Variants in FHIT observed in about 807,000 individuals in gnomAD.
FHIT encodes the protein bis(5'-adenosyl)-triphosphatase.
Under a neutral mutation model 17.9 loss-of-function variants are expected in FHIT, and 19 were observed. The ratio of observed to expected loss-of-function variants is 1.06; its 90% CI spans 0.74 to 1.56. The LOEUF (loss-of-function observed/expected upper bound fraction) is 1.56. FHIT is among the 40% of genes most tolerant of loss of function. FHIT has a pLI of 0.00. For missense variants in FHIT, 248 were observed against 189.2 expected (o/e 1.31, Z -1.82); for synonymous variants, 81 against 69.7 (o/e 1.16, Z -0.81).
chr3:60,338,124 T>C (rs1400236932), intron 5 of FHIT, among the ~76,000 whole-genome samples: 2 of 152,166 alleles, frequency 1.3e-5, no homozygotes, highest in South Asian at 2.1e-4. Context: ...TTCTAGAGAA[T>C]CTTCCATAAA....
intron 3 of FHIT, among the ~76,000 whole-genome samples, chr3:61,016,236 A>G (rs1379912125): frequency 6.6e-6 from 1 of 152,220 alleles, no homozygotes; most frequent in Non-Finnish European, 1.5e-5. Flanking sequence ...AGGGAGGAGA[A>G]GTGGAGGAAA....
At chr3:60,597,073 G>A (rs1553666826) in intron 4 of FHIT, among the ~76,000 whole-genome samples, 3 of 152,082 alleles carry the variant, frequency 2.0e-5, no homozygotes, top group Non-Finnish European at 4.4e-5. Context: ...CTGTGCTTAT[G>A]GACAACGGAG....
Position 60,913,662 on chromosome 3 carries a change from G to T in FHIT, c.-110-91651C>A, listed in dbSNP as rs544298871. On this transcript the variant is annotated intron_variant, in intron 3 of 9. Coordinates refer to ENST00000492590, the MANE Select transcript of FHIT (RefSeq NM_002012.4). ...TTGTCCTGCTTCTTCAATATTGGCA[G>T]GGCTCAGTGAGACGGCTCATCTCTG... 3.3e-5 allele frequency among the ~76,000 whole-genome samples: 5 copies of T among 152,326 alleles called. No homozygotes were observed. In the South Asian group the frequency reaches 6.2e-4, roughly 19 times the overall value.
intron 2 of FHIT, among the ~76,000 whole-genome samples, chr3:61,045,231 G>A (rs1330672432): frequency 6.6e-6 from 1 of 152,182 alleles, no homozygotes; most frequent in Non-Finnish European, 1.5e-5. Context: ...CTCTATTCAG[G>A]AGACCCATCT....
chr3:60,966,779 A>G (rs1330102444), intron 3 of FHIT, among the ~76,000 whole-genome samples: 1 of 152,250 alleles, frequency 6.6e-6, no homozygotes, highest in Admixed American at 6.5e-5. Flanking sequence ...GGAACAGAAG[A>G]TATGGTAAAA....
At chr3:60,626,773 G>A (rs1024933000) in intron 4 of FHIT, among the ~76,000 whole-genome samples, 4 of 144,028 alleles carry the variant, frequency 2.8e-5, no homozygotes, top group Non-Finnish European at 4.5e-5. Flanking sequence ...CCTTATCTTA[G>A]GGGAAAACAC....
At chr3:59,843,248 C>G (rs1701595411) in intron 8 of FHIT, among the ~76,000 whole-genome samples, 1 of 152,104 alleles carries the variant, frequency 6.6e-6, no homozygotes, top group African/African-American at 2.4e-5. Context: ...CTTTTGGACT[C>G]CTCTATCCTC....
intron 7 of FHIT, among the ~76,000 whole-genome samples, chr3:59,928,994 CAAAAAAAAAAAAAAAA>C: frequency 3.0e-5 from 1 of 33,142 alleles, no homozygotes; most frequent in African/African-American, 1.3e-4. Flanking sequence ...GACTTCATCT[CAAAAAAAAAAAAAAAA>C]AAAAAAAAAA....
intron 4 of FHIT, among the ~76,000 whole-genome samples, chr3:60,814,327 C>G (rs1319299902): frequency 1.3e-5 from 2 of 151,996 alleles, no homozygotes; most frequent in Non-Finnish European, 2.9e-5. Context: ...ATAGTACTCA[C>G]CATTTGGTTT....
At chr3:60,955,617 T>TACACATATATATATATAC in intron 3 of FHIT, among the ~76,000 whole-genome samples, 1 of 13,884 alleles carries the variant, frequency 7.2e-5, no homozygotes, top group South Asian at 6.0e-3. Flanking sequence ...TATATATATA[T>TACACATATATATATATAC]ATATATATAT....
intron 4 of FHIT, among the ~76,000 whole-genome samples, chr3:60,795,840 C>A (rs1471504841): frequency 6.6e-6 from 1 of 152,082 alleles, no homozygotes; most frequent in Non-Finnish European, 1.5e-5. Flanking sequence ...TTTTTGTACT[C>A]CCTAACTTTT....
intron 5 of FHIT, among the ~76,000 whole-genome samples, chr3:60,052,586 A>G (rs1210931291): frequency 6.6e-6 from 1 of 152,068 alleles, no homozygotes; most frequent in African/African-American, 2.4e-5. Context: ...TGAACTGGCT[A>G]GAGTGCTCCT....
chr3:59,913,298 T>C (rs1704973110), intron 8 of FHIT, among the ~76,000 whole-genome samples: 1 of 152,078 alleles, frequency 6.6e-6, no homozygotes, highest in Admixed American at 6.6e-5. Flanking sequence ...TCTAAGAAAA[T>C]CGCTTTTCTC....
At chr3:60,299,992 G>C (rs762839791) in intron 5 of FHIT, among the ~76,000 whole-genome samples, 1 of 151,926 alleles carries the variant, frequency 6.6e-6, no homozygotes, top group Non-Finnish European at 1.5e-5. Flanking sequence ...CTTTCCTTTT[G>C]TCTGTGCCCT....
chr3:60,474,749 G>A (rs2033261479), intron 5 of FHIT, among the ~76,000 whole-genome samples: 2 of 151,618 alleles, frequency 1.3e-5, no homozygotes, highest in African/African-American at 2.4e-5. Context: ...TCAGCCTCCC[G>A]AGTAGCTGGG....
chr3:60,635,630 CCTGG>C (rs1448821990), intron 4 of FHIT, among the ~76,000 whole-genome samples: 2 of 152,196 alleles, frequency 1.3e-5, no homozygotes, highest in African/African-American at 4.8e-5. Context: ...ATATTTGCTG[CCTGG>C]CTGACTCTTA....
At chr3:60,050,258 A>G (rs978669245) in intron 5 of FHIT, among the ~76,000 whole-genome samples, 1 of 152,138 alleles carries the variant, frequency 6.6e-6, no homozygotes, top group Non-Finnish European at 1.5e-5. Context: ...CATTTTTCCC[A>G]TAGTTTATTT....
chr3:59,765,163 G>C (rs561104360), intron 8 of FHIT, among the ~76,000 whole-genome samples: 16 of 152,208 alleles, frequency 1.1e-4, no homozygotes, highest in Non-Finnish European at 1.5e-4. Context: ...ATCACTTAAG[G>C]GTCCTAATCT....
chr3:60,741,723 T>C (rs1422671971), intron 4 of FHIT, among the ~76,000 whole-genome samples: 1 of 152,230 alleles, frequency 6.6e-6, no homozygotes. Flanking sequence ...TAGCAAAATG[T>C]ACCTCCTTTG....
Sources: allele counts gnomAD v4.1 joint callset (sites outside exome capture counted in the v4.1 genomes callset), GRCh38; gene constraint gnomAD v4.1.1; transcripts MANE v1.5; gene names NCBI Gene and HGNC (gene_info 2026-07-23, HGNC 2026-07-21).